DCTN4: variants seen among roughly 807,000 people sequenced by gnomAD.
DCTN4 encodes dynactin 4 (p62).
Under a neutral mutation model 62.7 loss-of-function variants are expected in DCTN4, and 23 were observed. The ratio of observed to expected loss-of-function variants is 0.37; its 90% CI spans 0.26 to 0.52. The LOEUF (loss-of-function observed/expected upper bound fraction) is 0.52. DCTN4 is among the 20% of genes least tolerant of loss of function. The pLI is 0.92. For missense variants in DCTN4, 514 were observed against 580.4 expected (o/e 0.89, Z 1.18); for synonymous variants, 199 against 202.1 (o/e 0.98, Z 0.13).
At chr5:150,715,511 G>A (rs1759721424) in intron 12 of DCTN4, 54 bp downstream of exon 12, 1 of 1,349,934 alleles carries the variant, frequency 7.4e-7, no homozygotes, top group Admixed American at 1.8e-5. Context: ...GGATATAAGT[G>A]GGCATTCTAT....
At chr5:150,748,177 C>T (rs1433341635) in intron 3 of DCTN4, among the ~76,000 whole-genome samples, 39 of 152,078 alleles carry the variant, frequency 2.6e-4, no homozygotes, top group African/African-American at 9.2e-4. Context: ...CCAAAAGACA[C>T]ATGAAAAAAT....
At chr5:150,726,986 G>T (rs1314945828) in intron 8 of DCTN4, among the ~76,000 whole-genome samples, 1 of 152,154 alleles carries the variant, frequency 6.6e-6, no homozygotes, top group Admixed American at 6.5e-5. Flanking sequence ...TGCAAATGAT[G>T]TCTTGACCTG....
At position 150,711,076 on chromosome 5, in the gene DCTN4, G is replaced by A. The variant is rs1404354986; in HGVS notation, c.*73C>T. On this transcript the variant is annotated 3_prime_UTR_variant, in exon 13 of 13. Coordinates refer to ENST00000447998, the MANE Select transcript of DCTN4 (RefSeq NM_016221.4). The stretch of plus-strand genomic sequence containing the variant: ...ATCGTTATAAACAAGGCCTAATGAA[G>A]CAGCAGCTTCCACATTTTAACGCAG... The A allele has an allele frequency of 7.2e-7, 1 of 1,394,552 alleles. No homozygotes were observed. The highest frequency in any genetic ancestry group is 1.2e-5 in the South Asian group (1 of 83,968). 86.4% of individuals were successfully genotyped at this position (1,394,552 alleles called of 1,614,324 possible).
intron 9 of DCTN4, among the ~76,000 whole-genome samples, chr5:150,720,657 T>C (rs1399746896): frequency 1.3e-5 from 2 of 152,088 alleles, no homozygotes; most frequent in African/African-American, 4.8e-5. Context: ...TTTTGATTTT[T>C]TGTACAGATG....
At chr5:150,721,809 C>T (rs1759962673) in intron 9 of DCTN4, among the ~76,000 whole-genome samples, 1 of 152,100 alleles carries the variant, frequency 6.6e-6, no homozygotes, top group Non-Finnish European at 1.5e-5. Context: ...GACTTTGTTG[C>T]TAATTTTGTC....
At chr5:150,716,276 C>T (rs1429998477) in intron 11 of DCTN4, among the ~76,000 whole-genome samples, 1 of 151,940 alleles carries the variant, frequency 6.6e-6, no homozygotes, top group Non-Finnish European at 1.5e-5. Flanking sequence ...TTTTTTGATA[C>T]ATCTGAAACA....
At chr5:150,749,548 G>A (rs1752593623) in intron 3 of DCTN4, among the ~76,000 whole-genome samples, 1 of 152,148 alleles carries the variant, frequency 6.6e-6, no homozygotes, top group Non-Finnish European at 1.5e-5. Context: ...AGGTGCAGTG[G>A]TTCATGCTTT....
rs1475916539 is a variant in DCTN4, at chr5:150,742,151, C to T, written c.392G>A (p.Gly131Asp). ...VGMADKSVAS[G>D]GWQEPENPHT... ...AGGATTTTCAGGTTCCTGCCAACCG[C>T]CACTAGCTACAAAATAAAAGAATAT... The change falls in exon 4 of 13, where the codon GGC becomes GAC. Residue 131 changes from glycine to aspartate, a missense_variant. Coordinates refer to ENST00000447998, the MANE Select transcript of DCTN4 (RefSeq NM_016221.4). The T allele has an allele frequency of 6.2e-7, 1 of 1,613,620 alleles. No individual in the cohort carries two copies. The highest frequency in any genetic ancestry group is 8.5e-7 in the Non-Finnish European group (1 of 1,179,692).
rs767251447 is a variant in DCTN4, at chr5:150,711,101, G to A, written c.*48C>T. On this transcript the variant is annotated 3_prime_UTR_variant, in exon 13 of 13. Transcript: ENST00000447998. ...GCAGCAGCTTCCACATTTTAACGCA[G>A]GTTTACGGTGATACTGTCCTTTGGG... 1 of 1,561,894 alleles carries A rather than the reference G, an allele frequency of 6.4e-7. No individual in the cohort carries two copies. The highest frequency in any genetic ancestry group is 1.1e-5 in the South Asian group (1 of 89,654).
rs1760326685 is a variant in DCTN4, at chr5:150,730,670, G to A, written c.795C>T (p.Arg265=). The A allele has an allele frequency of 1.2e-6, 2 of 1,613,956 alleles. No homozygotes were observed. The highest frequency in any genetic ancestry group is 2.2e-5 in the East Asian group (1 of 44,890). Residue 265 remains arginine, a synonymous_variant, in exon 8 of 13, where the codon CGC becomes CGT. Transcript: ENST00000447998. The part of the protein sequence containing the change: ...QPVCASQLYP[R]HKHLLIKRSL... ...ACCGTTTGATCAGAAGATGTTTGTG[G>A]CGAGGATAGAGCTGTGAAGCACAGA...
intron 8 of DCTN4, among the ~76,000 whole-genome samples, chr5:150,727,048 G>C (rs1760170922): frequency 6.6e-6 from 1 of 152,090 alleles, no homozygotes; most frequent in African/African-American, 2.4e-5. Context: ...GCCACTGCAG[G>C]GGTTAGGGGC....
intron 9 of DCTN4, among the ~76,000 whole-genome samples, chr5:150,720,221 G>A (rs981028049): frequency 2.0e-5 from 3 of 152,140 alleles, no homozygotes; most frequent in Non-Finnish European, 2.9e-5. Context: ...AACGTAATAC[G>A]AAATCTATTG....
intron 2 of DCTN4, among the ~76,000 whole-genome samples, chr5:150,754,924 C>T (rs999044365): frequency 6.6e-6 from 1 of 151,592 alleles, no homozygotes; most frequent in Non-Finnish European, 1.5e-5. Context: ...GATTGCACCA[C>T]TGCACTTCAA....
At chr5:150,725,095 T>A (rs953992793) in intron 8 of DCTN4, among the ~76,000 whole-genome samples, 8 of 148,862 alleles carry the variant, frequency 5.4e-5, no homozygotes, top group African/African-American at 1.8e-4. Flanking sequence ...GAGGTGGAGC[T>A]TGCAGTGAGC....
intron 3 of DCTN4, among the ~76,000 whole-genome samples, chr5:150,747,008 T>G (rs1304395269): frequency 6.6e-6 from 1 of 152,110 alleles, no homozygotes; most frequent in African/African-American, 2.4e-5. Flanking sequence ...TGTCCCTGTT[T>G]GCAGATGACA....
chr5:150,745,315 G>C (rs1412607772), intron 3 of DCTN4, among the ~76,000 whole-genome samples: 1 of 150,960 alleles, frequency 6.6e-6, no homozygotes, highest in Non-Finnish European at 1.5e-5. Flanking sequence ...CCTACAAAGA[G>C]ACTTAGACTC....
At chr5:150,755,304 G>A (rs1184898431) in intron 2 of DCTN4, among the ~76,000 whole-genome samples, 2 of 152,178 alleles carry the variant, frequency 1.3e-5, no homozygotes. Flanking sequence ...AATAATTTAT[G>A]CAGATAGTCC....
chr5:150,755,633 C>T, intron 2 of DCTN4: 1 of 453,492 alleles, frequency 2.2e-6, no homozygotes, highest in Admixed American at 2.4e-5. Context: ...CTCACCAGTA[C>T]TCCTCAATAC....
At chr5:150,725,998 G>A (rs560201296) in intron 8 of DCTN4, among the ~76,000 whole-genome samples, 1 of 151,946 alleles carries the variant, frequency 6.6e-6, no homozygotes, top group African/African-American at 2.4e-5. Context: ...CGCCTCCTGG[G>A]TACAACCAAT....
Sources: allele counts gnomAD v4.1 joint callset (sites outside exome capture counted in the v4.1 genomes callset), GRCh38; gene constraint gnomAD v4.1.1; transcripts MANE v1.5; gene names NCBI Gene and HGNC (gene_info 2026-07-23, HGNC 2026-07-21).